SUPT16H: variants seen among roughly 807,000 people sequenced by gnomAD.
SUPT16H encodes SPT16 homolog, facilitates chromatin remodeling subunit, also known as FACT complex subunit SPT16.
Under a neutral mutation model 136.2 loss-of-function variants are expected in SUPT16H, and 24 were observed. The ratio of observed to expected loss-of-function variants is 0.18; its 90% CI spans 0.13 to 0.25. SUPT16H has a LOEUF of 0.25. Among genes scored for constraint, SUPT16H ranks in the 10% least tolerant of loss-of-function variants. SUPT16H has a pLI of 1.00. For synonymous variants in SUPT16H, 415 were observed against 428.2 expected (o/e 0.97, Z 0.38); for missense variants, 623 against 1,270.2 (o/e 0.49, Z 7.74).
chr14:21,367,679 G>A (rs1233807429), intron 7 of SUPT16H, among the ~76,000 whole-genome samples: 1 of 152,134 alleles, frequency 6.6e-6, no homozygotes, highest in Non-Finnish European at 1.5e-5. Flanking sequence ...CTATAACTAA[G>A]GAATAGTAAT....
Position 21,373,389 on chromosome 14 carries a change from T to C in SUPT16H, c.108A>G (p.Val36=), listed in dbSNP as rs1318389586. 1 of 1,614,180 alleles carries C rather than the reference T, an allele frequency of 6.2e-7. No individual in the cohort carries two copies. The highest frequency in any genetic ancestry group is 8.5e-7 in the Non-Finnish European group (1 of 1,180,014). The change falls in exon 2 of 26, where the codon GTA becomes GTG. Residue 36 remains valine (V), a synonymous_variant. Coordinates refer to ENST00000216297, the MANE Select transcript of SUPT16H (RefSeq NM_007192.4). ...CAATTTCTTCATCAACACCCACTGATACAACAATGGCATCAACGTTGGCAT... is the reference window on the plus strand; with the variant it reads ...CAATTTCTTCATCAACACCCACTGACACAACAATGGCATCAACGTTGGCAT... ...DEYANVDAIV[V]SVGVDEEIVY... is the part of the protein sequence containing the mutation.
intron 19 of SUPT16H, 144 bp downstream of exon 19, chr14:21,359,340 C>G (rs1886502478): frequency 8.9e-7 from 1 of 1,126,910 alleles, no homozygotes; most frequent in Non-Finnish European, 1.2e-6. Flanking sequence ...AGGTGATCTG[C>G]CCATGTTGGC....
intron 3 of SUPT16H, among the ~76,000 whole-genome samples, chr14:21,370,699 G>A (rs1044464250): frequency 2.6e-5 from 4 of 151,886 alleles, no homozygotes; most frequent in East Asian, 1.9e-4. Context: ...CTGCAACCTC[G>A]AACTCCCAAG....
chr14:21,360,868 G>A lies in SUPT16H; in HGVS notation c.2034C>T (p.Gly678=). 1 of 1,614,114 alleles carries A rather than the reference G, an allele frequency of 6.2e-7. No homozygotes were observed. Among genetic ancestry groups the A allele is most frequent in the Non-Finnish European group, 8.5e-7 (1 of 1,180,018 alleles). ...RPNIAQKRMQ[G]SLEAHVNGFR... ...TACCATTGACATGGGCCTCCAGTGA[G>A]CCTTGCATCCTCTTTTGGGCAATAT... Residue 678 remains glycine (G), a synonymous_variant, in exon 17 of 26, where the codon GGC becomes GGT. Coordinates refer to ENST00000216297, the MANE Select transcript of SUPT16H (RefSeq NM_007192.4).
intron 25 of SUPT16H, 69 bp from the exon 26 acceptor site, chr14:21,352,887 G>A: frequency 6.2e-7 from 1 of 1,600,294 alleles, no homozygotes; most frequent in South Asian, 1.1e-5. Context: ...TGGATAGCAT[G>A]AGATAGTACA....
At chr14:21,367,562 G>A (rs1018719616) in intron 7 of SUPT16H, among the ~76,000 whole-genome samples, 1 of 152,192 alleles carries the variant, frequency 6.6e-6, no homozygotes, top group Non-Finnish European at 1.5e-5. Flanking sequence ...CCGACTTAGA[G>A]ATAATGTGGA....
chr14:21,372,241 G>A, intron 2 of SUPT16H, 197 bp from the exon 3 acceptor site: 1 of 546,296 alleles, frequency 1.8e-6, no homozygotes, highest in South Asian at 2.6e-5. Context: ...ACAGGACAAT[G>A]GGGTTCAATG....
chr14:21,358,132 G>T, intron 20 of SUPT16H, 130 bp from the exon 21 acceptor site: 1 of 898,626 alleles, frequency 1.1e-6, no homozygotes. Flanking sequence ...TCCAGAGGAA[G>T]CCTCTTAAGA....
intron 1 of SUPT16H, among the ~76,000 whole-genome samples, chr14:21,381,133 G>A (rs1887013675): frequency 1.3e-5 from 2 of 151,878 alleles, no homozygotes; most frequent in Admixed American, 1.3e-4. Context: ...TACGTTCTAA[G>A]GTCTCCTGTT....
In SUPT16H at chr14:21,361,063, T is replaced by G; in HGVS notation, c.1929+15A>C. ...CTTCTTTGTGTAAGAATGTTTTGCC[T>G]GTGTTCAGGCTCACCTCCTTCTCTT... On this transcript the variant is annotated intron_variant, in intron 16 of 25. Transcript: ENST00000216297. 1 of 1,612,440 alleles carries G rather than the reference T, an allele frequency of 6.2e-7. No homozygotes were observed. Among genetic ancestry groups the G allele is most frequent in the Non-Finnish European group, 8.5e-7 (1 of 1,179,398 alleles).
At position 21,352,741 on chromosome 14, in the gene SUPT16H, T is replaced by C; in HGVS notation, c.3076A>G (p.Ser1026Gly). ...MSRKRKASVHSSGRGSNRGSR... is the reference protein window; with the variant it reads ...MSRKRKASVHGSGRGSNRGSR... Reference sequence around the variant, plus strand: ...CCACGGTTAGAGCCACGGCCCGAACTGTGCACAGATGCCTTCCTCTTCCGG... The same window carrying C: ...CCACGGTTAGAGCCACGGCCCGAACCGTGCACAGATGCCTTCCTCTTCCGG... Residue 1026 changes from serine to glycine, a missense_variant, in exon 26 of 26, where the codon AGT becomes GGT. Ser to Gly is a moderately conservative substitution (Grantham distance 56, BLOSUM62 0). Coordinates refer to ENST00000216297, the MANE Select transcript of SUPT16H (RefSeq NM_007192.4). 1.2e-6 allele frequency: 2 copies of C among 1,614,106 alleles called. No homozygotes were observed. The highest frequency in any genetic ancestry group is 1.1e-5 in the South Asian group (1 of 91,068).
intron 22 of SUPT16H, among the ~76,000 whole-genome samples, chr14:21,356,418 TGA>T (rs1886435711): frequency 6.6e-6 from 1 of 152,196 alleles, no homozygotes. Context: ...AGGCAGACTC[TGA>T]AGAGTATTGC....
intron 1 of SUPT16H, among the ~76,000 whole-genome samples, chr14:21,379,909 C>CAAAA (rs936553854): frequency 8.6e-6 from 1 of 116,372 alleles, no homozygotes; most frequent in African/African-American, 3.0e-5. Flanking sequence ...AACAAACAAA[C>CAAAA]AAAAAAACCT....
chr14:21,375,663 G>A (rs1031111723), intron 1 of SUPT16H, among the ~76,000 whole-genome samples: 3 of 152,078 alleles, frequency 2.0e-5, no homozygotes, highest in African/African-American at 7.2e-5. Flanking sequence ...GCACGATCTC[G>A]GCTCACTGCA....
Position 21,369,914 on chromosome 14 carries a change from A to G in SUPT16H, c.484-18T>C, listed in dbSNP as rs1340364248. 1.2e-6 allele frequency: 2 copies of G among 1,611,610 alleles called. No homozygotes were observed. Among genetic ancestry groups the G allele is most frequent in the African/African-American group, 2.7e-5 (2 of 74,904 alleles). Reference sequence around the variant, plus strand: ...ATATCTATCTGCAGTCAAAGTGACAAGAGTTTCTAACATGCAAGTACAGAA... The same window carrying G: ...ATATCTATCTGCAGTCAAAGTGACAGGAGTTTCTAACATGCAAGTACAGAA... On this transcript the variant is annotated intron_variant, in intron 4 of 25. Coordinates refer to ENST00000216297, the MANE Select transcript of SUPT16H (RefSeq NM_007192.4).
At chr14:21,356,236 T>C (rs12885503) in intron 22 of SUPT16H, among the ~76,000 whole-genome samples, 110,092 of 144,936 alleles carry the variant, frequency 0.76, 40,432 homozygotes, top group South Asian at 0.87. Context: ...GGTGGAGGGA[T>C]GATCTACACA....
rs557991400 is a variant in SUPT16H at position 21,371,078 on chromosome 14, T to C, written c.331-590A>G. ...TTTTTGTAGAGATGGGGTTTTGTCATGTTGCCCAGGCTCATCTGGAACTCC... is the reference window on the plus strand; with the variant it reads ...TTTTTGTAGAGATGGGGTTTTGTCACGTTGCCCAGGCTCATCTGGAACTCC... On this transcript the variant is annotated intron_variant, in intron 3 of 25. Transcript: ENST00000216297. Among the ~76,000 whole-genome samples the C allele has an allele frequency of 2.6e-5, 4 of 151,988 alleles. No homozygotes were observed. In the East Asian group the frequency reaches 5.8e-4, roughly 22 times the overall value.
chr14:21,372,331 G>C (rs755228906), intron 2 of SUPT16H: 1 of 358,128 alleles, frequency 2.8e-6, no homozygotes, highest in Non-Finnish European at 5.1e-6. Context: ...GTGTTTATAG[G>C]AAGTATATCA....
intron 7 of SUPT16H, 127 bp from the exon 8 acceptor site, chr14:21,366,656 CTT>C: frequency 1.2e-5 from 7 of 607,218 alleles, no homozygotes; most frequent in African/African-American, 1.9e-5. Flanking sequence ...AGTCCACTCA[CTT>C]TTTTTTTTTG....
Sources: gnomAD v4.1 joint callset for allele counts (sites outside exome capture counted in the v4.1 genomes callset) on GRCh38, gnomAD v4.1.1 for gene constraint, MANE v1.5 for transcripts, NCBI Gene and HGNC (gene_info 2026-07-23, HGNC 2026-07-21) for gene names.